Variants in ADAMTS9 observed in about 807,000 individuals in gnomAD.
ADAMTS9 encodes A disintegrin and metalloproteinase with thrombospondin motifs 9.
ADAMTS9 carries 107 observed loss-of-function variants against 257.1 expected under a neutral mutation model. That is an observed-to-expected ratio of 0.42 (90% CI 0.36 to 0.49). The LOEUF is 0.49. Among genes scored for constraint, ADAMTS9 ranks in the 20% least tolerant of loss-of-function variants. ADAMTS9 has a pLI of 0.03. For synonymous variants in ADAMTS9, 982 were observed against 880.9 expected, an observed-to-expected ratio of 1.11 and a Z score of -2.03; for missense variants, 2,353 against 2,469.1, an observed-to-expected ratio of 0.95 and a Z score of 1.00.
At chr3:64,525,632 CAG>C (rs917477665) in intron 38 of ADAMTS9, among the ~76,000 whole-genome samples, 1 of 151,744 alleles carries the variant, frequency 6.6e-6, no homozygotes, top group African/African-American at 2.4e-5. Flanking sequence ...TTTTTTGAGA[CAG>C]AGTCTTGCTC....
intron 16 of ADAMTS9, among the ~76,000 whole-genome samples, chr3:64,626,888 T>C (rs1370387479): frequency 6.6e-6 from 1 of 152,146 alleles, no homozygotes; most frequent in African/African-American, 2.4e-5. Context: ...CTGCAGCTCC[T>C]GCAGCGCGAG....
In ADAMTS9 at chr3:64,613,481, T is replaced by G. The variant is rs1175700151; in HGVS notation, c.3218A>C (p.Lys1073Thr). Residue 1073 changes from lysine (K) to threonine (T), a missense_variant, in exon 22 of 40, where the codon AAG (lysine) becomes ACG (threonine). This residue lies in a region of ADAMTS9 where 1,402 missense variants were observed against 1,441.4 expected (regional missense o/e 0.97). Coordinates refer to ENST00000498707, the MANE Select transcript of ADAMTS9 (RefSeq NM_182920.2). ...ECLVTCGKGHKHRQVWCQFGE... is the reference protein window; with the variant it reads ...ECLVTCGKGHTHRQVWCQFGE... ...AAACTGACACCAGACCTGGCGGTGC[T>G]TATGCCCTTTTCCACAGGTGACCAA... The G allele has an allele frequency of 1.1e-5, 18 of 1,613,696 alleles. No individual in the cohort carries two copies. Among genetic ancestry groups the G allele is most frequent in the Non-Finnish European group, 1.5e-5 (18 of 1,179,832 alleles).
At chr3:64,651,987 T>C (rs767449736) in intron 8 of ADAMTS9, among the ~76,000 whole-genome samples, 2 of 151,830 alleles carry the variant, frequency 1.3e-5, no homozygotes. Context: ...CCAGCAGGAG[T>C]GGAAAAAAAA....
At chr3:64,647,349 C>T (rs1700823645) in intron 11 of ADAMTS9, among the ~76,000 whole-genome samples, 1 of 152,184 alleles carries the variant, frequency 6.6e-6, no homozygotes, top group African/African-American at 2.4e-5. Flanking sequence ...GCATGAGACA[C>T]TGTTACCATT....
At chr3:64,647,243 C>A (rs1418424948) in intron 11 of ADAMTS9, among the ~76,000 whole-genome samples, 1 of 151,424 alleles carries the variant, frequency 6.6e-6, no homozygotes, top group East Asian at 1.9e-4. Context: ...CTTTTTGTTA[C>A]CAAATTTTTG....
chr3:64,666,792 C>G (rs1439997471), intron 3 of ADAMTS9, among the ~76,000 whole-genome samples: 1 of 152,114 alleles, frequency 6.6e-6, no homozygotes, highest in Non-Finnish European at 1.5e-5. Context: ...TTGTAGCATG[C>G]AAAACATCTG....
At chr3:64,589,346 T>C (rs983138441) in intron 28 of ADAMTS9, 4 of 152,186 alleles carry the variant, frequency 2.6e-5, no homozygotes, top group African/African-American at 9.6e-5. Context: ...GCACATCCTT[T>C]ATGGAATATA....
Position 64,686,210 on chromosome 3 carries a change from C to T in ADAMTS9, c.516+358G>A, listed in dbSNP as rs1701902118. Among the ~76,000 whole-genome samples, 1 of 152,268 alleles carries T rather than the reference C, an allele frequency of 6.6e-6. No individual in the cohort carries two copies. The highest frequency in any genetic ancestry group is 2.4e-5 in the African/African-American group (1 of 41,478). ...GTCCGCCCTGCGCTCAGCGGCTCCG[C>T]TCCCGGGTGGCCAAGTTTGCTGCAG... On this transcript the variant is annotated intron_variant, in intron 2 of 39. Transcript: ENST00000498707. The surrounding 1 kb of genome is among the most constrained non-coding windows in gnomAD (Gnocchi z 4.6).
At chr3:64,654,815 A>G (rs934986626) in intron 6 of ADAMTS9, 2 of 587,268 alleles carry the variant, frequency 3.4e-6, no homozygotes, top group Non-Finnish European at 3.0e-6. Context: ...CTACATTAAG[A>G]AGTTTTCTTC....
Position 64,522,226 on chromosome 3 carries a change from T to A in ADAMTS9, c.5753A>T (p.Tyr1918Phe), listed in dbSNP as rs754479091. 1 of 1,614,062 alleles carries A rather than the reference T, an allele frequency of 6.2e-7. No homozygotes were observed. The highest frequency in any genetic ancestry group is 1.1e-5 in the South Asian group (1 of 91,084). Residue 1918 changes from tyrosine to phenylalanine, a missense_variant, in exon 39 of 40, where the codon TAC becomes TTC. By Grantham distance (22) the Tyr-to-Phe change is conservative. Around this residue, in one of 3 missense-constraint regions of ADAMTS9, gnomAD observed 1,402 missense variants for 1,441.4 expected, o/e 0.97. Coordinates refer to ENST00000498707, the MANE Select transcript of ADAMTS9 (RefSeq NM_182920.2). ...GTRVVGKCGG[Y>F]CGKCTPSSGT... ...AGAGGATGGAGTGCATTTTCCACAG[T>A]AACCACCGCATTTCCCTACGACTCG... is the stretch of plus-strand genomic sequence containing the variant.
chr3:64,613,546 G>A (rs2084706606), intron 21 of ADAMTS9, 37 bp from the exon 22 acceptor site: 1 of 1,591,842 alleles, frequency 6.3e-7, no homozygotes, highest in Admixed American at 1.7e-5. Flanking sequence ...GGTCATTTCT[G>A]ATCAATGTGT....
chr3:64,617,970 T>C (rs762464387), intron 19 of ADAMTS9, among the ~76,000 whole-genome samples: 1 of 152,204 alleles, frequency 6.6e-6, no homozygotes. Flanking sequence ...CATGGTTATA[T>C]TGACTGTCAG....
rs2083090477 is a variant in ADAMTS9 at position 64,539,235 on chromosome 3, C to T, written c.5581G>A (p.Gly1861Arg). Reference sequence around the variant, plus strand: ...CACTTGGCAGCGCTGTAGCAATCCCCGGCTGTGGCAAAAGGGACGGGATGT... The same window carrying T: ...CACTTGGCAGCGCTGTAGCAATCCCTGGCTGTGGCAAAAGGGACGGGATGT... ...EGHPVPFATA[G>R]DCYSAAKCPQ... Residue 1861 changes from glycine (G) to arginine (R), a missense_variant, in exon 37 of 40, where the codon GGG becomes AGG. Physicochemically the swap from Gly to Arg is moderately radical, Grantham distance 125 (BLOSUM62 -2). Around this residue, in one of 3 missense-constraint regions of ADAMTS9, gnomAD observed 1,402 missense variants for 1,441.4 expected, o/e 0.97. Coordinates refer to ENST00000498707, the MANE Select transcript of ADAMTS9 (RefSeq NM_182920.2). 1.9e-6 allele frequency: 3 copies of T among 1,614,012 alleles called. No homozygotes were observed. Among genetic ancestry groups the T allele is most frequent in the Admixed American group, 3.3e-5 (2 of 60,018 alleles).
At chr3:64,664,788 A>G (rs753089609) in intron 3 of ADAMTS9, among the ~76,000 whole-genome samples, 1 of 152,206 alleles carries the variant, frequency 6.6e-6, no homozygotes, top group African/African-American at 2.4e-5. Flanking sequence ...GTATATACAT[A>G]GCCGCAGAGT....
chr3:64,684,356 G>T (rs2107061105), intron 2 of ADAMTS9, among the ~76,000 whole-genome samples: 1 of 94,724 alleles, frequency 1.1e-5, no homozygotes, highest in Middle Eastern at 5.8e-3. Context: ...CATCTCAGAT[G>T]AAATTCAGAA....
intron 16 of ADAMTS9, among the ~76,000 whole-genome samples, chr3:64,623,496 A>C (rs964858470): frequency 6.6e-6 from 1 of 152,204 alleles, no homozygotes; most frequent in Admixed American, 6.5e-5. Flanking sequence ...CTACAACCTC[A>C]TGAGAGACTT....
chr3:64,583,689 A>G (rs2084063222), intron 28 of ADAMTS9: 1 of 152,152 alleles, frequency 6.6e-6, no homozygotes, highest in South Asian at 2.1e-4. Flanking sequence ...ATTGAGAACT[A>G]TTGAATTATA....
intron 2 of ADAMTS9, among the ~76,000 whole-genome samples, chr3:64,681,997 T>C (rs1701769928): frequency 6.6e-6 from 1 of 152,190 alleles, no homozygotes; most frequent in Non-Finnish European, 1.5e-5. Context: ...TTCCCATTGA[T>C]TCAAATTCAA....
chr3:64,587,624 T>C (rs947569890), intron 28 of ADAMTS9: 12 of 152,112 alleles, frequency 7.9e-5, no homozygotes, highest in Non-Finnish European at 1.5e-5. Flanking sequence ...AAGCTCTTTC[T>C]CATAAGAGAA....
Sources: gnomAD v4.1 joint callset for allele counts (sites outside exome capture counted in the v4.1 genomes callset) on GRCh38, gnomAD v4.1.1 for gene constraint, gnomAD v4.1.1 regional missense constraint, Gnocchi (gnomAD v3.1) non-coding constraint, MANE v1.5 for transcripts, NCBI Gene and HGNC (gene_info 2026-07-23, HGNC 2026-07-21) for gene names.